The following PRH1 variants were observed in gnomAD, a reference collection of about 807,000 sequenced individuals.
PRH1 encodes proline rich protein HaeIII subfamily 1.
Under a neutral mutation model 7.9 loss-of-function variants are expected in PRH1, and 7 were observed. The ratio of observed to expected loss-of-function variants is 0.89; its 90% CI spans 0.50 to 1.67. PRH1 has a LOEUF of 1.67. PRH1 is among the 40% of genes most tolerant of loss of function. The probability of loss-of-function intolerance (pLI) is 0.00; values close to 1 mark genes in which losing one functional copy is unlikely to be tolerated. For missense variants in PRH1, 109 were observed against 223.6 expected (o/e 0.49, Z 3.27); for synonymous variants, 45 against 80.8 (o/e 0.56, Z 2.38).
intron 1 of PRH1, among the ~76,000 whole-genome samples, chr12:11,008,215 C>T (rs1190758901): frequency 6.6e-6 from 1 of 152,046 alleles, no homozygotes; most frequent in Admixed American, 6.6e-5. Flanking sequence ...CTTCAACTCT[C>T]TAGAGTTGTA....
intron 1 of PRH1, among the ~76,000 whole-genome samples, chr12:11,067,055 C>A (rs1451559340): frequency 2.0e-5 from 3 of 151,888 alleles, no homozygotes; most frequent in African/African-American, 7.3e-5. Flanking sequence ...AAGCCAAATT[C>A]TTGCAAGCCT....
intron 2 of PRH1, among the ~76,000 whole-genome samples, chr12:10,890,298 A>C (rs2135791578): frequency 6.6e-6 from 1 of 152,242 alleles, no homozygotes; most frequent in Middle Eastern, 3.4e-3. Context: ...ATTTAATATC[A>C]CACCATACAT....
rs746135567 is a variant in PRH1 at position 11,062,228 on chromosome 12, C to A, written n.124-15040G>T. 6.8e-6 allele frequency: 11 copies of A among 1,613,156 alleles called. No individual in the cohort carries two copies. In the South Asian group the frequency reaches 1.1e-4, roughly 16 times the overall value. On this transcript the variant is annotated intron_variant and non_coding_transcript_variant, in intron 1 of 4. Transcript: ENST00000541977. ...TTTACCAATGCTATGAAGCCATTAGCAAAATTTCCAATCACAAATGTAACC... is the reference window on the plus strand; with the variant it reads ...TTTACCAATGCTATGAAGCCATTAGAAAAATTTCCAATCACAAATGTAACC...
At chr12:11,081,308 T>G (rs1296204856) in intron 1 of PRH1, among the ~76,000 whole-genome samples, 1 of 106,594 alleles carries the variant, frequency 9.4e-6, no homozygotes, top group African/African-American at 3.0e-5. Context: ...TTTTCAGTCT[T>G]ATTCTTTTAG....
At chr12:10,903,292 T>C (rs1415202875) in intron 2 of PRH1, among the ~76,000 whole-genome samples, 3 of 152,106 alleles carry the variant, frequency 2.0e-5, no homozygotes, top group Non-Finnish European at 4.4e-5. Context: ...AAGTGTTCAA[T>C]TCAACAAGAA....
chr12:10,966,903 C>A (rs1672250397), intron 2 of PRH1, among the ~76,000 whole-genome samples: 1 of 152,130 alleles, frequency 6.6e-6, no homozygotes, highest in African/African-American at 2.4e-5. Context: ...ATCAAGAGAT[C>A]AGGGGATCGA....
chr12:11,018,049 C>T (rs760204803), intron 1 of PRH1, among the ~76,000 whole-genome samples: 2 of 152,148 alleles, frequency 1.3e-5, no homozygotes, highest in Admixed American at 1.3e-4. Context: ...AATATCTCTA[C>T]AGCAGATACA....
intron 2 of PRH1, among the ~76,000 whole-genome samples, chr12:10,901,466 G>A (rs1323843529): frequency 6.6e-6 from 1 of 152,150 alleles, no homozygotes; most frequent in African/African-American, 2.4e-5. Context: ...GCTTGTGTCT[G>A]CCATTGGAAG....
At chr12:11,001,370 C>T (rs1940588410) in intron 1 of PRH1, among the ~76,000 whole-genome samples, 1 of 152,120 alleles carries the variant, frequency 6.6e-6, no homozygotes, top group African/African-American at 2.4e-5. Context: ...CAAACTTCTT[C>T]ACTATCAGGT....
intron 1 of PRH1, among the ~76,000 whole-genome samples, chr12:11,145,286 G>A (rs370805452): frequency 1.3e-5 from 2 of 152,160 alleles, no homozygotes; most frequent in South Asian, 2.1e-4. Flanking sequence ...CTGCCTCTCA[G>A]GTTCAAGTGA....
rs147225678 is a variant in PRH1 at position 11,073,459 on chromosome 12, C to T, written n.124-26271G>A. 5.6e-4 allele frequency among the ~76,000 whole-genome samples: 83 copies of T among 147,580 alleles called. 1 individual carries two copies. Among genetic ancestry groups the T allele is most frequent in the Admixed American group, 4.7e-3 (69 of 14,534 alleles). ...GAAACATCCTTTTTAAAGTAAGTGG[C>T]CTGTTGCCCTATAAATACTTCTTAT... On this transcript the variant is annotated intron_variant and non_coding_transcript_variant, in intron 1 of 4. Coordinates refer to the PRH1 transcript ENST00000541977.
At chr12:10,931,498 T>G (rs564302910) in intron 2 of PRH1, among the ~76,000 whole-genome samples, 1 of 152,232 alleles carries the variant, frequency 6.6e-6, no homozygotes, top group African/African-American at 2.4e-5. Flanking sequence ...GACTTTTAGC[T>G]GTTAAATGGT....
At chr12:10,926,345 T>A (rs1388797731) in intron 2 of PRH1, among the ~76,000 whole-genome samples, 2 of 152,196 alleles carry the variant, frequency 1.3e-5, no homozygotes, top group Non-Finnish European at 2.9e-5. Flanking sequence ...CAAACCATCC[T>A]TCAGTATTCC....
chr12:10,956,761 C>T (rs574510805), intron 2 of PRH1, among the ~76,000 whole-genome samples: 2 of 152,032 alleles, frequency 1.3e-5, no homozygotes, highest in East Asian at 3.9e-4. Flanking sequence ...AGTAGCATTC[C>T]TATAGCAACA....
chr12:10,953,463 T>C (rs117341576), intron 2 of PRH1, among the ~76,000 whole-genome samples: 3,008 of 152,312 alleles, frequency 0.02, 34 homozygotes, highest in South Asian at 0.031. Context: ...AATTTTGGAA[T>C]ACTAATGCAA....
At chr12:11,151,273 C>CT (rs66683210) in intron 1 of PRH1, among the ~76,000 whole-genome samples, 177 of 146,772 alleles carry the variant, frequency 1.2e-3, no homozygotes, top group African/African-American at 3.7e-3. Flanking sequence ...GTCATCCTTG[C>CT]TTTTTTTTTT....
intron 2 of PRH1, among the ~76,000 whole-genome samples, chr12:10,962,528 C>T (rs1469427556): frequency 6.6e-6 from 1 of 152,182 alleles, no homozygotes; most frequent in East Asian, 1.9e-4. Flanking sequence ...CACTTTTACT[C>T]TGAAAAATGC....
At chr12:11,092,050 C>T in intron 1 of PRH1, 3 of 1,529,438 alleles carry the variant, frequency 2.0e-6, no homozygotes, top group Non-Finnish European at 2.7e-6. Context: ...ATAATAATAC[C>T]CAGAGCAAAC....
At chr12:10,949,860 A>C (rs1334420132) in intron 2 of PRH1, among the ~76,000 whole-genome samples, 1 of 151,788 alleles carries the variant, frequency 6.6e-6, no homozygotes, top group East Asian at 1.9e-4. Context: ...TCTTCCTCCC[A>C]CATATCCCAG....
Sources: allele counts gnomAD v4.1 joint callset (sites outside exome capture counted in the v4.1 genomes callset), GRCh38; gene constraint gnomAD v4.1.1; transcripts MANE v1.5; gene names NCBI Gene and HGNC (gene_info 2026-07-23, HGNC 2026-07-21).